The following NPDC1 variants were observed in gnomAD, a reference collection of about 807,000 sequenced individuals.
NPDC1 encodes neural proliferation differentiation and control protein 1.
Under a neutral mutation model 32.5 loss-of-function variants are expected in NPDC1, and 18 were observed. That is an observed-to-expected ratio of 0.55 (90% CI 0.38 to 0.82). The LOEUF (loss-of-function observed/expected upper bound fraction) is 0.82. NPDC1 is among the 40% of genes least tolerant of loss of function. NPDC1 has a pLI of 0.00. For synonymous variants in NPDC1, 210 were observed against 184.7 expected, an observed-to-expected ratio of 1.14 and a Z score of -1.11; for missense variants, 468 against 406.6, an observed-to-expected ratio of 1.15 and a Z score of -1.30.
In NPDC1 at chr9:137,042,927, C is replaced by A; in HGVS notation, c.259G>T (p.Gly87Cys). 1 of 1,593,582 alleles carries A rather than the reference C, an allele frequency of 6.3e-7. No individual in the cohort carries two copies. The change falls in exon 2 of 9, where the codon GGC (glycine) becomes TGC (cysteine). Residue 87 changes from glycine to cysteine, a missense_variant and splice_region_variant. By Grantham distance (159) the Gly-to-Cys change is radical. Coordinates refer to ENST00000371601, the MANE Select transcript of NPDC1 (RefSeq NM_015392.4). ...TCGACTTCCCCCTTTGCTCTCGTAC[C>A]TGGAGGCCGGCGCATCCTGGGCACA... ...LCVPRMRRPP[G>C]GGRPQPRLED...
intron 7 of NPDC1, 43 bp downstream of exon 7, chr9:137,040,314 G>A: frequency 6.7e-7 from 1 of 1,489,862 alleles, no homozygotes. Context: ...GTGGGGATGG[G>A]GGGTGGGTGG....
In NPDC1 at chr9:137,040,711, C is replaced by T. The variant is rs199760372; in HGVS notation, c.583G>A (p.Gly195Ser). The T allele has an allele frequency of 3.7e-5, 59 of 1,589,098 alleles. No individual in the cohort carries two copies. The highest frequency in any genetic ancestry group is 2.8e-4 in the Admixed American group (16 of 56,756). Reference protein sequence around the residue: ...LVLILAFCVAGAAALSVASLC... With the variant: ...LVLILAFCVASAAALSVASLC... ...GAGGCTACGGAGAGGGCGGCTGCAC[C>T]GGCCACACAGAACGCCAGGATCAGC... Residue 195 changes from glycine (G) to serine (S), a missense_variant, in exon 5 of 9, where the codon GGT becomes AGT. By Grantham distance (56) the Gly-to-Ser change is moderately conservative. Transcript: ENST00000371601.
At position 137,039,875 on chromosome 9, in the gene NPDC1, G is replaced by C. The variant is rs767728664; in HGVS notation, c.886-11C>G. ...CTCCATTTCCCCGGTCTGCGAATGT[G>C]GGTGTCAGGCTGGGCAGTGGGTGGG... On this transcript the variant is annotated splice_polypyrimidine_tract_variant and intron_variant, in intron 8 of 8. Coordinates refer to ENST00000371601, the MANE Select transcript of NPDC1 (RefSeq NM_015392.4). The C allele has an allele frequency of 1.3e-6, 1 of 779,386 alleles. No individual in the cohort carries two copies. Among genetic ancestry groups the C allele is most frequent in the Admixed American group, 1.7e-5 (1 of 59,010 alleles). 48.3% of individuals were successfully genotyped at this position (779,386 alleles called of 1,614,324 possible).
At position 137,040,566 on chromosome 9, in the gene NPDC1, G is replaced by C. The variant is rs1564246076; in HGVS notation, c.656C>G (p.Ala219Gly). The C allele has an allele frequency of 6.3e-7, 1 of 1,582,522 alleles. No homozygotes were observed. Among genetic ancestry groups the C allele is most frequent in the Non-Finnish European group, 8.5e-7 (1 of 1,170,338 alleles). Residue 219 changes from alanine to glycine, a missense_variant, in exon 6 of 9, where the codon GCC becomes GGC. By Grantham distance (60) the Ala-to-Gly change is moderately conservative. Transcript: ENST00000371601. ...AGGGGCCTTCGCAGTGGCGTAGTCGGCCTTCTGAGTCAGGCGGATCTCACG... is the reference window on the plus strand; with the variant it reads ...AGGGGCCTTCGCAGTGGCGTAGTCGCCCTTCTGAGTCAGGCGGATCTCACG... ...LQREIRLTQK[A>G]DYATAKAPGS...
At chr9:137,043,616 C>G in intron 1 of NPDC1, 2 of 542,158 alleles carry the variant, frequency 3.7e-6, no homozygotes, top group Non-Finnish European at 6.6e-6. Flanking sequence ...CCCCAGGCAC[C>G]GAGGACACCT....
rs772231995 is a variant in NPDC1, at chr9:137,040,884, A to G, written c.486T>C (p.Pro162=). 2.3e-5 allele frequency: 37 copies of G among 1,594,632 alleles called. No homozygotes were observed. Among genetic ancestry groups the G allele is most frequent in the Non-Finnish European group, 3.0e-5 (35 of 1,173,328 alleles). ...ACATGTGCACCGGGTCGGATGACAC[A>G]GGGGAGCCCAGGGAGGTGTGGGGCG... The part of the protein sequence containing the change: ...TPTPHTSLGS[P]VSSDPVHMSP... Residue 162 remains proline, a synonymous_variant, in exon 4 of 9, where the codon CCT becomes CCC. Transcript: ENST00000371601.
rs1050080067 is a variant in NPDC1, at chr9:137,040,850, C to T, written c.520G>A (p.Glu174Lys). Residue 174 changes from glutamate to lysine, a missense_variant, in exon 4 of 9, where the codon GAG (glutamate) becomes AAG (lysine). Transcript: ENST00000371601. ...CCGTCGCCTTGCCCTCCCCGGGGCT[C>T]CAGGGGCGACATGTGCACCGGGTCG... is the stretch of plus-strand genomic sequence containing the variant. ...SSDPVHMSPL[E>K]PRGGQGDGLA... 1.9e-6 allele frequency: 3 copies of T among 1,598,196 alleles called. No homozygotes were observed. The highest frequency in any genetic ancestry group is 2.6e-6 in the Non-Finnish European group (3 of 1,175,860).
At chr9:137,042,896 C>T in intron 2 of NPDC1, 31 bp downstream of exon 2, 2 of 1,567,418 alleles carry the variant, frequency 1.3e-6, no homozygotes, top group Non-Finnish European at 1.7e-6. Context: ...CAGGGACATC[C>T]CCCCATCGAC....
At chr9:137,041,524 CG>C (rs1564246767) in intron 2 of NPDC1, among the ~76,000 whole-genome samples, 1 of 152,158 alleles carries the variant, frequency 6.6e-6, no homozygotes. Flanking sequence ...AGCACCTTCT[CG>C]GGTAGAGGGG....
Position 137,041,424 on chromosome 9 carries a change from G to A in NPDC1, c.260-237C>T, listed in dbSNP as rs192033512. On this transcript the variant is annotated intron_variant, in intron 2 of 8. Coordinates refer to ENST00000371601, the MANE Select transcript of NPDC1 (RefSeq NM_015392.4). ...GGCGCTAGGGAAACGTCCAAAGACCGGGCACGGGGAGGAAGGAGTGGGGTC... is the reference window on the plus strand; with the variant it reads ...GGCGCTAGGGAAACGTCCAAAGACCAGGCACGGGGAGGAAGGAGTGGGGTC... Among the ~76,000 whole-genome samples the A allele has an allele frequency of 3.3e-5, 5 of 152,292 alleles. No individual in the cohort carries two copies. In the East Asian group the frequency reaches 5.8e-4, roughly 18 times the overall value.
intron 2 of NPDC1, 69 bp from the exon 3 acceptor site, chr9:137,041,256 G>A (rs1369557973): frequency 2.0e-5 from 27 of 1,335,180 alleles, no homozygotes; most frequent in South Asian, 9.2e-5. Flanking sequence ...CGGCCTCCCC[G>A]CTTCTGGCAG....
At chr9:137,040,188 A>T in intron 7 of NPDC1, 121 bp from the exon 8 acceptor site, 1 of 704,464 alleles carries the variant, frequency 1.4e-6, no homozygotes, top group Non-Finnish European at 2.5e-6. Flanking sequence ...CCCAGGGTGA[A>T]GTTGGCCAGG....
rs906947537 is a variant in NPDC1, at chr9:137,039,697, T to C, written c.*75A>G. On this transcript the variant is annotated 3_prime_UTR_variant, in exon 9 of 9. Transcript: ENST00000371601. ...ACACAGCATCAAAACATGTTTTTAG[T>C]GGGAAGCTCCAGGCCCTGCCCCTCC... 4 of 653,184 alleles carry C rather than the reference T, an allele frequency of 6.1e-6. No individual in the cohort carries two copies. Among genetic ancestry groups the C allele is most frequent in the Admixed American group, 2.7e-5 (1 of 37,262 alleles). 40.5% of individuals were successfully genotyped at this position (653,184 alleles called of 1,614,324 possible).
rs565004099 is a variant in NPDC1 at position 137,043,531 on chromosome 9, C to A, written c.113-458G>T. ...CCGCCAGCGACCTCTCCTTCCCGTG[C>A]GGCTCTCCCCAGAACCCGGCACTGA... On this transcript the variant is annotated intron_variant, in intron 1 of 8. Coordinates refer to ENST00000371601, the MANE Select transcript of NPDC1 (RefSeq NM_015392.4). 91 of 604,236 alleles carry A rather than the reference C, an allele frequency of 1.5e-4. 1 individual carries two copies. The South Asian group carries it at 1.6e-3, about 11-fold the overall frequency. The allele number at this position is 604,236 out of a possible 1,614,324, so 37.4% of individuals were successfully genotyped here. A position where few individuals can be genotyped will look rare whatever the true frequency, so the allele number is the denominator to read the frequency against.
chr9:137,042,181 T>C (rs1832067151), intron 2 of NPDC1, among the ~76,000 whole-genome samples: 2 of 151,894 alleles, frequency 1.3e-5, no homozygotes, highest in African/African-American at 4.8e-5. Context: ...TCCCAGGCCT[T>C]GGACCCAACA....
intron 1 of NPDC1, 34 bp downstream of exon 1, chr9:137,045,844 C>A: frequency 1.0e-6 from 1 of 996,640 alleles, no homozygotes. Context: ...GGCCCCGGGG[C>A]GCCCCGCGGC....
Position 137,040,659 on chromosome 9 carries a change from C to T in NPDC1, c.623+12G>A, listed in dbSNP as rs1346580873. On this transcript the variant is annotated intron_variant, in intron 5 of 8. Transcript: ENST00000371601. ...GGCACCCTCCCTGCCCTGCCCGCGGCCACTGGCTCACCTGCACCAGCAGAG... is the reference window on the plus strand; with the variant it reads ...GGCACCCTCCCTGCCCTGCCCGCGGTCACTGGCTCACCTGCACCAGCAGAG... 4.5e-6 allele frequency: 7 copies of T among 1,572,112 alleles called. No homozygotes were observed. The South Asian group carries it at 5.8e-5, about 13-fold the overall frequency.
intron 2 of NPDC1, among the ~76,000 whole-genome samples, chr9:137,042,601 C>T (rs1382316173): frequency 6.2e-5 from 9 of 144,840 alleles, no homozygotes; most frequent in African/African-American, 2.1e-4. Flanking sequence ...CTCGCACTGT[C>T]GCCCAGGCTG....
In NPDC1 at chr9:137,043,066, G is replaced by T. The variant is rs145554537; in HGVS notation, c.120C>A (p.Ala40=). The T allele has an allele frequency of 3.1e-6, 5 of 1,612,388 alleles. No individual in the cohort carries two copies. In the African/African-American group the frequency reaches 5.3e-5, roughly 17 times the overall value. Residue 40 remains alanine, a synonymous_variant, in exon 2 of 9, where the codon GCC becomes GCA. Coordinates refer to ENST00000371601, the MANE Select transcript of NPDC1 (RefSeq NM_015392.4). ...RGAAAGHPDV[A]ACPGSLDCAL... ...CACAGTCCAGGCTCCCGGGACAGGC[G>T]GCTACATCTGGGAAGGAAGCAGAAG...
Sources: gnomAD v4.1 joint callset for allele counts (sites outside exome capture counted in the v4.1 genomes callset) on GRCh38, gnomAD v4.1.1 for gene constraint, MANE v1.5 for transcripts, NCBI Gene and HGNC (gene_info 2026-07-23, HGNC 2026-07-21) for gene names.